The following TEX36 variants were observed in gnomAD, a reference collection of about 807,000 sequenced individuals.
The protein encoded by TEX36 is testis expressed 36, also known as testis-expressed protein 36.
In TEX36, 12 loss-of-function variants were observed where a neutral mutation model predicts 13.6. That is an observed-to-expected ratio of 0.88 (90% CI 0.56 to 1.43). The LOEUF (loss-of-function observed/expected upper bound fraction) is 1.43. TEX36 is among the 40% of genes most tolerant of loss of function. The pLI is 0.00. For synonymous variants in TEX36, 93 were observed against 83.0 expected, an observed-to-expected ratio of 1.12 and a Z score of -0.65; for missense variants, 224 against 228.3, an observed-to-expected ratio of 0.98 and a Z score of 0.12.
chr10:125,666,762 G>T, intron 1 of TEX36: 1 of 225,796 alleles, frequency 4.4e-6, no homozygotes, highest in Non-Finnish European at 8.7e-6. Flanking sequence ...CCACTGTCAC[G>T]AGGGAGGCAA....
At position 125,635,054 on chromosome 10, in the gene TEX36, G is replaced by T. The variant is rs971698009; in HGVS notation, c.265-13409C>A. Among the ~76,000 whole-genome samples the T allele has an allele frequency of 2.6e-5, 4 of 152,286 alleles. No individual in the cohort carries two copies. In the South Asian group the frequency reaches 8.3e-4, roughly 32 times the overall value. ...GAAAGGGATTAAGGCCACACCAGAC[G>T]CATTGCCAACCTAAAATTCCTTGGT... On this transcript the variant is annotated intron_variant, in intron 3 of 3. Coordinates refer to the TEX36 transcript ENST00000526819.
chr10:125,623,030 G>A (rs900387291), intron 3 of TEX36, among the ~76,000 whole-genome samples: 1 of 152,166 alleles, frequency 6.6e-6, no homozygotes, highest in Non-Finnish European at 1.5e-5. Flanking sequence ...GGTGAGTGGT[G>A]CCACTTCCAC....
intron 1 of TEX36, among the ~76,000 whole-genome samples, chr10:125,674,791 G>GGAT (rs968081817): frequency 2.6e-5 from 4 of 152,236 alleles, no homozygotes; most frequent in African/African-American, 7.2e-5. Context: ...AAAGGTGGCA[G>GGAT]CCTGCTCCTT....
chr10:125,583,860 C>T (rs1302554172), intron 3 of TEX36, among the ~76,000 whole-genome samples: 1 of 152,124 alleles, frequency 6.6e-6, no homozygotes, highest in African/African-American at 2.4e-5. Context: ...TCATTCTTCC[C>T]ATCCGTGTAC....
At chr10:125,635,177 C>G (rs1367637050) in intron 3 of TEX36, among the ~76,000 whole-genome samples, 1 of 152,164 alleles carries the variant, frequency 6.6e-6, no homozygotes, top group African/African-American at 2.4e-5. Flanking sequence ...TGCCAAGAAG[C>G]AGGCTCCACC....
intron 3 of TEX36, among the ~76,000 whole-genome samples, chr10:125,647,152 GA>G (rs1049789757): frequency 1.6e-4 from 25 of 152,220 alleles, no homozygotes; most frequent in Middle Eastern, 6.8e-3. Flanking sequence ...TATTAATATA[GA>G]AAAACATAAA....
In TEX36 at chr10:125,675,523, G is replaced by T. The variant is rs143323455; in HGVS notation, c.51+7416C>A. ...TGTGCTTGGGACCTAAGGCCCTGGTGGTGTGGGCTCATGAGGGGGATCTCC... is the reference window on the plus strand; with the variant it reads ...TGTGCTTGGGACCTAAGGCCCTGGTTGTGTGGGCTCATGAGGGGGATCTCC... On this transcript the variant is annotated intron_variant, in intron 1 of 3. Transcript: ENST00000368821. 3.9e-3 allele frequency among the ~76,000 whole-genome samples: 592 copies of T among 152,288 alleles called. 4 individuals are homozygous for T. Among genetic ancestry groups the T allele is most frequent in the African/African-American group, 0.014 (563 of 41,566 alleles).
chr10:125,594,301 G>A (rs1167744874), intron 3 of TEX36, among the ~76,000 whole-genome samples: 7 of 152,154 alleles, frequency 4.6e-5, no homozygotes, highest in Non-Finnish European at 8.8e-5. Context: ...TTTTTTAAAT[G>A]TCCCAGCTAA....
chr10:125,648,983 C>G (rs1360649725), intron 3 of TEX36, among the ~76,000 whole-genome samples: 1 of 152,156 alleles, frequency 6.6e-6, no homozygotes, highest in Non-Finnish European at 1.5e-5. Flanking sequence ...AATAACAAAG[C>G]CTCCAAGAAA....
chr10:125,592,655 G>T (rs184911748), intron 3 of TEX36, among the ~76,000 whole-genome samples: 451 of 152,062 alleles, frequency 3.0e-3, no homozygotes, highest in South Asian at 0.021. Flanking sequence ...ATCCCTCAGG[G>T]CAAGGGCTCA....
chr10:125,656,319 C>T (rs1412519469), intron 3 of TEX36, 123 bp from the exon 4 acceptor site: 19 of 923,060 alleles, frequency 2.1e-5, no homozygotes, highest in African/African-American at 9.3e-5. Flanking sequence ...TTCAGTGGCA[C>T]GATCTCAGCT....
chr10:125,649,390 C>A (rs1302804017), intron 3 of TEX36, among the ~76,000 whole-genome samples: 1 of 152,204 alleles, frequency 6.6e-6, no homozygotes, highest in Non-Finnish European at 1.5e-5. Flanking sequence ...AATTTCACAT[C>A]CAGCCAAACT....
intron 1 of TEX36, among the ~76,000 whole-genome samples, chr10:125,681,094 G>T (rs1311334761): frequency 6.6e-6 from 1 of 152,166 alleles, no homozygotes; most frequent in African/African-American, 2.4e-5. Flanking sequence ...GATAAAAAGG[G>T]GCAGACTTAG....
intron 1 of TEX36, among the ~76,000 whole-genome samples, chr10:125,668,994 A>G (rs1439628651): frequency 6.6e-6 from 1 of 152,124 alleles, no homozygotes; most frequent in African/African-American, 2.4e-5. Flanking sequence ...CCCTGTCTCT[A>G]CTAAAAATAC....
chr10:125,590,515 G>T (rs1214458574), intron 3 of TEX36, among the ~76,000 whole-genome samples: 1 of 151,948 alleles, frequency 6.6e-6, no homozygotes, highest in Non-Finnish European at 1.5e-5. Context: ...TTTTACAAAA[G>T]CCTTTAGCAC....
intron 3 of TEX36, among the ~76,000 whole-genome samples, chr10:125,598,844 T>A (rs1285690950): frequency 6.6e-6 from 1 of 152,220 alleles, no homozygotes; most frequent in South Asian, 2.1e-4. Context: ...AACATTGAGC[T>A]GTCTTGAAAA....
At chr10:125,655,136 A>T (rs1232463175), downstream of TEX36, among the ~76,000 whole-genome samples, 1 of 152,198 alleles carries the variant, frequency 6.6e-6, no homozygotes, top group Non-Finnish European at 1.5e-5. Flanking sequence ...AAGACACATT[A>T]TTAAGTATCA....
intron 3 of TEX36, among the ~76,000 whole-genome samples, chr10:125,614,857 G>A (rs1287675830): frequency 6.6e-6 from 1 of 152,122 alleles, no homozygotes; most frequent in African/African-American, 2.4e-5. Flanking sequence ...CATTGAATCT[G>A]TAAATTACCT....
intron 3 of TEX36, among the ~76,000 whole-genome samples, chr10:125,610,610 A>C (rs2133550820): frequency 6.6e-6 from 1 of 152,184 alleles, no homozygotes; most frequent in Middle Eastern, 3.4e-3. Flanking sequence ...ATTTTCTGCC[A>C]ATTTGTAGCA....
Sources: allele counts gnomAD v4.1 joint callset (sites outside exome capture counted in the v4.1 genomes callset), GRCh38; gene constraint gnomAD v4.1.1; transcripts MANE v1.5; gene names NCBI Gene and HGNC (gene_info 2026-07-23, HGNC 2026-07-21).